Variants in SYNJ2 observed in about 807,000 individuals in gnomAD.
SYNJ2 encodes the protein polyphosphatidylinositol phosphatase SYNJ2.
Under a neutral mutation model 141.3 loss-of-function variants are expected in SYNJ2, and 116 were observed. The observed-to-expected ratio is 0.82, with a 90% CI of 0.71 to 0.96. The LOEUF is 0.96. Among genes scored for constraint, SYNJ2 ranks in the 40% least tolerant of loss-of-function variants. The probability of loss-of-function intolerance (pLI) is 0.00; values close to 1 mark genes in which losing one functional copy is unlikely to be tolerated. For missense variants in SYNJ2, 1,873 were observed against 1,934.8 expected (o/e 0.97, Z 0.60); for synonymous variants, 745 against 777.7 (o/e 0.96, Z 0.70).
At chr6:158,094,110 C>T (rs1783649473) in intron 26 of SYNJ2, 4 of 659,704 alleles carry the variant, frequency 6.1e-6, no homozygotes, top group East Asian at 2.5e-5. Flanking sequence ...TTCGGCTTCA[C>T]TCTTGACAGC....
intron 7 of SYNJ2, among the ~76,000 whole-genome samples, chr6:158,059,709 C>T (rs1286987246): frequency 6.6e-6 from 1 of 152,154 alleles, no homozygotes; most frequent in Admixed American, 6.5e-5. Flanking sequence ...CACTTGCCAC[C>T]ACGCCTGGCT....
At chr6:158,081,605 C>CT (rs60234675) in intron 20 of SYNJ2, 95 bp downstream of exon 20, 2,408 of 212,346 alleles carry the variant, frequency 0.011, 9 homozygotes, top group Admixed American at 0.022. Context: ...TGACCTGTGC[C>CT]TTTTTTTTTT....
chr6:158,025,274 C>T (rs566202961), intron 2 of SYNJ2, among the ~76,000 whole-genome samples: 2 of 152,310 alleles, frequency 1.3e-5, no homozygotes, highest in East Asian at 3.9e-4. Context: ...CTCCCAAATA[C>T]CCCCACCACC....
At chr6:157,985,756 T>TGA (rs1777177531) in intron 1 of SYNJ2, among the ~76,000 whole-genome samples, 5 of 152,132 alleles carry the variant, frequency 3.3e-5, no homozygotes. Context: ...CAGTGCGGGC[T>TGA]GTGTGTGAGT....
chr6:158,069,502 G>A (rs1391191249), intron 13 of SYNJ2, 31 bp from the exon 14 acceptor site: 5 of 1,602,706 alleles, frequency 3.1e-6, no homozygotes, highest in South Asian at 1.1e-5. Flanking sequence ...CCAGCTACCT[G>A]TAAACAGCAT....
intron 1 of SYNJ2, among the ~76,000 whole-genome samples, chr6:157,985,848 GAATT>G (rs1484090798): frequency 1.3e-5 from 2 of 152,192 alleles, no homozygotes; most frequent in South Asian, 2.1e-4. Context: ...AGACTTGAGA[GAATT>G]AATTAAGTTA....
chr6:158,053,491 G>C (rs941989896), intron 5 of SYNJ2, among the ~76,000 whole-genome samples: 1 of 151,984 alleles, frequency 6.6e-6, no homozygotes, highest in Non-Finnish European at 1.5e-5. Flanking sequence ...GCCCTCTCTT[G>C]TTCCCCATTC....
chr6:158,018,851 G>A (rs773639862), intron 2 of SYNJ2, among the ~76,000 whole-genome samples: 1 of 152,248 alleles, frequency 6.6e-6, no homozygotes, highest in African/African-American at 2.4e-5. Context: ...TGCTTTTTCT[G>A]TGGAAATGTG....
intron 16 of SYNJ2, among the ~76,000 whole-genome samples, chr6:158,076,360 G>A (rs1391258776): frequency 6.6e-6 from 1 of 152,172 alleles, no homozygotes; most frequent in Non-Finnish European, 1.5e-5. Context: ...CTCCTGGGGG[G>A]CAACAAGAAG....
chr6:158,061,899 G>C lies in SYNJ2; in HGVS notation c.955-93G>C, dbSNP rs1053611735. 4 of 1,312,244 alleles carry C rather than the reference G, an allele frequency of 3.0e-6. No individual in the cohort carries two copies. In the African/African-American group the frequency reaches 5.9e-5, roughly 19 times the overall value. The allele number at this position is 1,312,244 out of a possible 1,614,324, so 81.3% of individuals were successfully genotyped here. A position where few individuals can be genotyped will look rare whatever the true frequency, so the allele number is the denominator to read the frequency against. On this transcript the variant is annotated intron_variant, in intron 7 of 26. Transcript: ENST00000355585. ...AGCACGTCCTGCGGCGAGTCACCTT[G>C]GTTAGCCGCACGGGTCAAGCTCTGC...
In SYNJ2 at chr6:157,999,738, C is replaced by A. The variant is rs545790555; in HGVS notation, c.128-17466C>A. Among the ~76,000 whole-genome samples the A allele has an allele frequency of 2.6e-5, 4 of 152,276 alleles. No homozygotes were observed. In the East Asian group the frequency reaches 7.7e-4, roughly 29 times the overall value. The stretch of plus-strand genomic sequence containing the variant: ...GCCAGGGTTTGGGAGGGCAAGGAAG[C>A]CCCTGGCAGGAGTCAGGGCAGGCAT... On this transcript the variant is annotated intron_variant, in intron 1 of 26. Coordinates refer to ENST00000355585, the MANE Select transcript of SYNJ2 (RefSeq NM_003898.4).
chr6:157,981,757 C>T (rs945834279), upstream of SYNJ2: 16 of 379,790 alleles, frequency 4.2e-5, no homozygotes, highest in African/African-American at 3.0e-4. This position sits in a 1 kb window ranked among gnomAD's most constrained non-coding sequence, Gnocchi z 6.4. Context: ...CGGGAGGCGG[C>T]GGCGCGCCCT....
At chr6:158,039,365 G>C (rs1208756348) in intron 4 of SYNJ2, among the ~76,000 whole-genome samples, 1 of 152,244 alleles carries the variant, frequency 6.6e-6, no homozygotes. Context: ...GTGGAGCAAG[G>C]CTCAGCCTGC....
chr6:157,987,233 C>T (rs140766688), intron 1 of SYNJ2, among the ~76,000 whole-genome samples: 164 of 152,220 alleles, frequency 1.1e-3, no homozygotes, highest in African/African-American at 3.5e-3. Context: ...GTGATCCACC[C>T]GCTTCGGCCT....
Position 158,028,648 on chromosome 6 carries a change from C to T in SYNJ2, c.215-108C>T, listed in dbSNP as rs1041581274. 38 of 1,447,474 alleles carry T rather than the reference C, an allele frequency of 2.6e-5. No individual in the cohort carries two copies. The East Asian group carries it at 3.6e-4, about 14-fold the overall frequency. 89.7% of individuals were successfully genotyped at this position (1,447,474 alleles called of 1,614,324 possible). On this transcript the variant is annotated intron_variant, in intron 2 of 26. Transcript: ENST00000355585. Reference sequence around the variant, plus strand: ...CCATGGGAAGTTGCAGGTGCACAGACGTTGCCTTCCTGGCTGCGGTTGAAC... The same window carrying T: ...CCATGGGAAGTTGCAGGTGCACAGATGTTGCCTTCCTGGCTGCGGTTGAAC...
intron 5 of SYNJ2, among the ~76,000 whole-genome samples, chr6:158,045,724 C>A (rs572170371): frequency 9.2e-5 from 14 of 152,214 alleles, no homozygotes; most frequent in Admixed American, 9.2e-4. Context: ...AATGACACTC[C>A]TTTTTGTCGT....
intron 2 of SYNJ2, among the ~76,000 whole-genome samples, chr6:158,024,852 C>T (rs1202029184): frequency 3.3e-5 from 5 of 152,150 alleles, no homozygotes; most frequent in Non-Finnish European, 5.9e-5. Flanking sequence ...ATGAGTATCA[C>T]GTTACTGTGT....
chr6:158,040,795 T>G lies in SYNJ2; in HGVS notation c.712-2521T>G, dbSNP rs1365286350. On this transcript the variant is annotated intron_variant, in intron 4 of 26. Transcript: ENST00000355585. The surrounding 1 kb of genome is among the most constrained non-coding windows in gnomAD (Gnocchi z 4.2). Reference sequence around the variant, plus strand: ...GTTCCCACTGCTCTGGAAGCGTCACTCAGGGTCACCCTCTGGCTGCTCAGT... The same window carrying G: ...GTTCCCACTGCTCTGGAAGCGTCACGCAGGGTCACCCTCTGGCTGCTCAGT... Among the ~76,000 whole-genome samples, 1 of 152,172 alleles carries G rather than the reference T, an allele frequency of 6.6e-6. No individual in the cohort carries two copies. The highest frequency in any genetic ancestry group is 2.4e-5 in the African/African-American group (1 of 41,436).
chr6:158,074,525 C>A, intron 15 of SYNJ2, 55 bp from the exon 16 acceptor site: 1 of 1,577,198 alleles, frequency 6.3e-7, no homozygotes, highest in South Asian at 1.2e-5. Context: ...TTTCTCCTCT[C>A]TCCCACCTTC....
Sources: gnomAD v4.1 joint callset for allele counts (sites outside exome capture counted in the v4.1 genomes callset) on GRCh38, gnomAD v4.1.1 for gene constraint, Gnocchi (gnomAD v3.1) non-coding constraint, MANE v1.5 for transcripts, NCBI Gene and HGNC (gene_info 2026-07-23, HGNC 2026-07-21) for gene names.